The following KLHL2 variants were observed in gnomAD, a reference collection of about 807,000 sequenced individuals.
KLHL2 encodes the protein kelch like family member 2, also known as kelch-like protein 2.
In KLHL2, 15 loss-of-function variants were observed where a neutral mutation model predicts 75.8. That is an observed-to-expected ratio of 0.20 (90% CI 0.13 to 0.30). The LOEUF (loss-of-function observed/expected upper bound fraction) is 0.30. Among genes scored for constraint, KLHL2 ranks in the 10% least tolerant of loss-of-function variants. The pLI is 1.00. For missense variants in KLHL2, 381 were observed against 741.0 expected (o/e 0.51, Z 5.64); for synonymous variants, 214 against 251.9 (o/e 0.85, Z 1.42).
At chr4:165,244,376 C>T (rs975490801) in intron 4 of KLHL2, among the ~76,000 whole-genome samples, 13 of 152,142 alleles carry the variant, frequency 8.5e-5, no homozygotes, top group Admixed American at 1.3e-4. Flanking sequence ...GAGGAGCAGA[C>T]GTGTGCAAGC....
At chr4:165,289,603 C>T (rs1579130752) in intron 5 of KLHL2, among the ~76,000 whole-genome samples, 1 of 136,392 alleles carries the variant, frequency 7.3e-6, no homozygotes, top group African/African-American at 2.8e-5. Context: ...TAATAGTTGA[C>T]TATTTTCCTT....
At chr4:165,303,264 A>C (rs1745468481) in intron 8 of KLHL2, among the ~76,000 whole-genome samples, 1 of 152,154 alleles carries the variant, frequency 6.6e-6, no homozygotes, top group African/African-American at 2.4e-5. Context: ...GTGGAAATAG[A>C]AATCTTATAT....
chr4:165,269,295 C>T (rs1040730643), intron 5 of KLHL2, among the ~76,000 whole-genome samples: 2 of 152,092 alleles, frequency 1.3e-5, no homozygotes, highest in African/African-American at 4.8e-5. Flanking sequence ...TTAACTGGGG[C>T]ATTTAGCCCA....
At chr4:165,241,522 A>C (rs1219282430) in intron 4 of KLHL2, among the ~76,000 whole-genome samples, 2 of 152,108 alleles carry the variant, frequency 1.3e-5, no homozygotes, top group Non-Finnish European at 2.9e-5. Flanking sequence ...TGTAATTCAA[A>C]TGTTTCTTGG....
chr4:165,238,173 T>C (rs561007702), intron 3 of KLHL2, among the ~76,000 whole-genome samples: 1 of 152,342 alleles, frequency 6.6e-6, no homozygotes, highest in Admixed American at 6.5e-5. Context: ...CAAGCTTTGT[T>C]GTTGACTAAC....
At chr4:165,316,977 T>C (rs1746634094) in intron 13 of KLHL2, among the ~76,000 whole-genome samples, 1 of 152,176 alleles carries the variant, frequency 6.6e-6, no homozygotes, top group South Asian at 2.1e-4. Context: ...TAATGGTCAT[T>C]ATTCTAAGAG....
chr4:165,290,345 G>C (rs996011689), intron 5 of KLHL2, among the ~76,000 whole-genome samples: 2 of 151,974 alleles, frequency 1.3e-5, no homozygotes, highest in African/African-American at 4.8e-5. Flanking sequence ...ATGTTGGCCA[G>C]GCTGGTCTTG....
chr4:165,224,823 CA>C (rs1420363827), intron 2 of KLHL2, among the ~76,000 whole-genome samples: 1 of 152,208 alleles, frequency 6.6e-6, no homozygotes, highest in Non-Finnish European at 1.5e-5. Flanking sequence ...TCCATGACCT[CA>C]AGCATTTATC....
intron 5 of KLHL2, among the ~76,000 whole-genome samples, chr4:165,283,495 A>G (rs1743849352): frequency 6.6e-6 from 1 of 152,210 alleles, no homozygotes; most frequent in Non-Finnish European, 1.5e-5. Context: ...GGGCAGTCAA[A>G]TCTTAAAGCT....
At chr4:165,258,286 T>A (rs1336200194) in intron 4 of KLHL2, among the ~76,000 whole-genome samples, 1 of 151,652 alleles carries the variant, frequency 6.6e-6, no homozygotes, top group Non-Finnish European at 1.5e-5. Flanking sequence ...GGAATATACT[T>A]AAATCCAGAG....
In KLHL2 at chr4:165,321,967, T is replaced by A. The variant is rs199737771; in HGVS notation, c.1754-65T>A. ...CTTCGTATTATAATGAAGAATTGAG[T>A]GTTTTCTCAGAGATACAGAGTGCTG... On this transcript the variant is annotated intron_variant, in intron 14 of 14. Coordinates refer to ENST00000226725, the MANE Select transcript of KLHL2 (RefSeq NM_007246.4). 5.4e-4 allele frequency: 744 copies of A among 1,371,310 alleles called. 3 individuals carry two copies. The highest frequency in any genetic ancestry group is 7.1e-4 in the Non-Finnish European group (682 of 959,642). 84.9% of individuals were successfully genotyped at this position (1,371,310 alleles called of 1,614,324 possible). A position where few individuals can be genotyped will look rare whatever the true frequency, so the allele number is the denominator to read the frequency against.
At chr4:165,310,896 C>G in intron 10 of KLHL2, 146 bp downstream of exon 10, 1 of 647,358 alleles carries the variant, frequency 1.5e-6, no homozygotes, top group Non-Finnish European at 2.6e-6. Flanking sequence ...GCTCCGTCGC[C>G]CAGGCTGGAG....
intron 1 of KLHL2, among the ~76,000 whole-genome samples, chr4:165,216,897 T>C (rs1737580341): frequency 6.6e-6 from 1 of 152,192 alleles, no homozygotes; most frequent in South Asian, 2.1e-4. Flanking sequence ...TTGCAGGGTT[T>C]CTGTAGTACA....
intron 11 of KLHL2, 126 bp downstream of exon 11, chr4:165,311,691 A>AT: frequency 1.5e-6 from 1 of 685,962 alleles, no homozygotes; most frequent in South Asian, 1.9e-5. Context: ...AAAAGTCGTA[A>AT]TTACTGTAAA....
chr4:165,286,501 G>A (rs1274777449), intron 5 of KLHL2, among the ~76,000 whole-genome samples: 5 of 152,090 alleles, frequency 3.3e-5, no homozygotes, highest in Non-Finnish European at 1.5e-5. Flanking sequence ...CCTAGTTTTA[G>A]GGAGGTAAAG....
In KLHL2 at chr4:165,319,007, C is replaced by G. The variant is rs1177839142; in HGVS notation, c.1753+1038C>G. Among the ~76,000 whole-genome samples the G allele has an allele frequency of 1.3e-5, 2 of 152,226 alleles. No individual in the cohort carries two copies. The highest frequency in any genetic ancestry group is 6.5e-5 in the Admixed American group (1 of 15,298). The stretch of plus-strand genomic sequence containing the variant: ...ACAAACTCTTATGGGAACAAACACC[C>G]ACAAACCATAGATGGTGTCATTCAC... On this transcript the variant is annotated intron_variant, in intron 14 of 14. Transcript: ENST00000226725. The surrounding 1 kb of genome is among the most constrained non-coding windows in gnomAD (Gnocchi z 4.5).
intron 4 of KLHL2, among the ~76,000 whole-genome samples, chr4:165,250,345 T>A (rs528917168): frequency 6.6e-6 from 1 of 152,218 alleles, no homozygotes; most frequent in African/African-American, 2.4e-5. Flanking sequence ...AAACATCTAC[T>A]GAGCAGTTTT....
Position 165,311,079 on chromosome 4 carries a change from A to G in KLHL2, c.1237+329A>G, listed in dbSNP as rs192450329. ...TCACCATGTTAGCCAGGATGGTCTC[A>G]ATCTCCTGACTTTGTGATCCGCCCA... On this transcript the variant is annotated intron_variant, in intron 10 of 14. Coordinates refer to ENST00000226725, the MANE Select transcript of KLHL2 (RefSeq NM_007246.4). Among the ~76,000 whole-genome samples, 1,129 of 152,084 alleles carry G rather than the reference A, an allele frequency of 7.4e-3. 7 individuals are homozygous for G. Among genetic ancestry groups the G allele is most frequent in the African/African-American group, 0.02 (836 of 41,516 alleles).
At chr4:165,208,689 T>C (rs185982783) in intron 1 of KLHL2, 11 of 152,336 alleles carry the variant, frequency 7.2e-5, no homozygotes, top group Admixed American at 7.2e-4. Flanking sequence ...AAAAACATCT[T>C]GGTAAAAGTG....
Sources: gnomAD v4.1 joint callset for allele counts (sites outside exome capture counted in the v4.1 genomes callset) on GRCh38, gnomAD v4.1.1 for gene constraint, Gnocchi (gnomAD v3.1) non-coding constraint, MANE v1.5 for transcripts, NCBI Gene and HGNC (gene_info 2026-07-23, HGNC 2026-07-21) for gene names.